The following PALM2AKAP2 variants were observed in gnomAD, a reference collection of about 807,000 sequenced individuals.
PALM2AKAP2 encodes the protein PALM2 and AKAP2 fusion, also known as PALM2-AKAP2 fusion protein.
In PALM2AKAP2, 37 loss-of-function variants were observed where a neutral mutation model predicts 71.5. The observed-to-expected ratio is 0.52, with a 90% CI of 0.40 to 0.68. The LOEUF is 0.68. PALM2AKAP2 is among the 30% of genes least tolerant of loss of function. The pLI is 0.00. For synonymous variants in PALM2AKAP2, 468 were observed against 478.8 expected (o/e 0.98, Z 0.29); for missense variants, 1,224 against 1,191.8 (o/e 1.03, Z -0.40).
chr9:109,743,114 CCCTT>C (rs1461272544), intron 1 of PALM2AKAP2, among the ~76,000 whole-genome samples: 1 of 152,138 alleles, frequency 6.6e-6, no homozygotes, highest in Non-Finnish European at 1.5e-5. Flanking sequence ...TTCCCATTCA[CCCTT>C]CCTTCTTTCT....
chr9:109,922,116 A>G (rs1391682493), intron 3 of PALM2AKAP2, among the ~76,000 whole-genome samples: 1 of 151,980 alleles, frequency 6.6e-6, no homozygotes, highest in East Asian at 1.9e-4. Flanking sequence ...TCCCGAGAGC[A>G]GATTAAAAGA....
intron 1 of PALM2AKAP2, among the ~76,000 whole-genome samples, chr9:109,825,309 A>G (rs1008060758): frequency 1.3e-5 from 2 of 152,250 alleles, no homozygotes; most frequent in Non-Finnish European, 1.5e-5. Flanking sequence ...ATGGGCAAGG[A>G]CTTCATGTCT....
At chr9:109,943,402 T>C in intron 6 of PALM2AKAP2, 1 of 1,612,620 alleles carries the variant, frequency 6.2e-7, no homozygotes, top group Non-Finnish European at 8.5e-7. Flanking sequence ...GAAAAAGCGC[T>C]GTCAATGCTG....
intron 1 of PALM2AKAP2, among the ~76,000 whole-genome samples, chr9:109,826,991 C>A (rs528668988): frequency 6.6e-6 from 1 of 152,190 alleles, no homozygotes; most frequent in South Asian, 2.1e-4. Flanking sequence ...ATGAACAAGC[C>A]CATAAAATAC....
intron 1 of PALM2AKAP2, among the ~76,000 whole-genome samples, chr9:109,738,943 C>G (rs1016734737): frequency 6.6e-6 from 1 of 152,168 alleles, no homozygotes; most frequent in African/African-American, 2.4e-5. Context: ...AAATTGTTTC[C>G]GAACTCTCAG....
chr9:110,084,650 T>C (rs1834520269), intron 1 of PALM2AKAP2, among the ~76,000 whole-genome samples: 3 of 152,220 alleles, frequency 2.0e-5, no homozygotes, highest in African/African-American at 7.2e-5. Flanking sequence ...GTAAATAGTT[T>C]TTATACTGTA....
chr9:109,779,607 G>A (rs1829401158), upstream of PALM2AKAP2, among the ~76,000 whole-genome samples: 1 of 152,220 alleles, frequency 6.6e-6, no homozygotes, highest in Non-Finnish European at 1.5e-5. Context: ...GTGAAATCTA[G>A]TCTAGCACCC....
At chr9:110,005,442 G>A (rs1245892290) in intron 6 of PALM2AKAP2, among the ~76,000 whole-genome samples, 2 of 152,242 alleles carry the variant, frequency 1.3e-5, no homozygotes, top group Non-Finnish European at 2.9e-5. Flanking sequence ...CCCTCCTGGG[G>A]GGTGCCTCCC....
At chr9:109,879,221 T>C (rs1210105053) in intron 2 of PALM2AKAP2, among the ~76,000 whole-genome samples, 1 of 152,202 alleles carries the variant, frequency 6.6e-6, no homozygotes, top group East Asian at 1.9e-4. Context: ...TCACCCTGCC[T>C]GATGAGATCA....
At chr9:110,033,930 A>G (rs1425447078) in intron 7 of PALM2AKAP2, among the ~76,000 whole-genome samples, 4 of 152,208 alleles carry the variant, frequency 2.6e-5, no homozygotes, top group Non-Finnish European at 2.9e-5. Context: ...CCATGAACTC[A>G]TGATATAGAT....
chr9:109,678,606 G>C (rs190892605), intron 1 of PALM2AKAP2, among the ~76,000 whole-genome samples: 4 of 152,240 alleles, frequency 2.6e-5, no homozygotes, highest in Non-Finnish European at 5.9e-5. Context: ...GTTTTGGGGG[G>C]TGCATCCTTA....
intron 3 of PALM2AKAP2, among the ~76,000 whole-genome samples, chr9:110,160,895 C>G (rs1051613382): frequency 6.6e-6 from 1 of 152,202 alleles, no homozygotes; most frequent in African/African-American, 2.4e-5. Flanking sequence ...ACCACTCTGT[C>G]TCATCTTAGA....
chr9:110,030,938 A>C (rs886645665), intron 7 of PALM2AKAP2, among the ~76,000 whole-genome samples: 1 of 152,226 alleles, frequency 6.6e-6, no homozygotes, highest in Non-Finnish European at 1.5e-5. Flanking sequence ...TCTTCCTCAG[A>C]AATTAGTCAG....
At position 109,918,511 on chromosome 9, in the gene PALM2AKAP2, A is replaced by G. The variant is rs116098503; in HGVS notation, c.258-5224A>G. Among the ~76,000 whole-genome samples the G allele has an allele frequency of 5.3e-3, 806 of 152,346 alleles. 4 individuals are homozygous for G. The highest frequency in any genetic ancestry group is 0.018 in the African/African-American group (732 of 41,576). On this transcript the variant is annotated intron_variant, in intron 3 of 9. Coordinates refer to the PALM2AKAP2 transcript ENST00000302798. ...ACCTGCCACAGCCTACGGATCCTCA[A>G]TTAACCTTGCGTGTAAATTACACTT... is the stretch of plus-strand genomic sequence containing the variant.
chr9:110,072,296 T>C (rs550865650), intron 1 of PALM2AKAP2, among the ~76,000 whole-genome samples: 2 of 152,166 alleles, frequency 1.3e-5, no homozygotes, highest in African/African-American at 4.8e-5. Flanking sequence ...CACTGTTGCT[T>C]GGGATGGCGG....
intron 1 of PALM2AKAP2, among the ~76,000 whole-genome samples, chr9:109,833,897 C>G (rs1252522346): frequency 1.3e-5 from 2 of 152,190 alleles, no homozygotes; most frequent in African/African-American, 4.8e-5. Flanking sequence ...CAGTTCCCTC[C>G]AAGGGGCATG....
intron 5 of PALM2AKAP2, among the ~76,000 whole-genome samples, chr9:109,929,453 C>A (rs1831039604): frequency 6.6e-6 from 1 of 152,142 alleles, no homozygotes; most frequent in Admixed American, 6.5e-5. Context: ...TGCCCCTACC[C>A]CCTCAGGACT....
At chr9:109,795,801 C>T (rs1827237353) in intron 1 of PALM2AKAP2, among the ~76,000 whole-genome samples, 1 of 152,216 alleles carries the variant, frequency 6.6e-6, no homozygotes, top group African/African-American at 2.4e-5. Context: ...ACTGTTCACA[C>T]AAGGTCCCTG....
At position 109,867,257 on chromosome 9, in the gene PALM2AKAP2, C is replaced by T. The variant is rs114781620; in HGVS notation, c.46-234C>T. 2.1e-3 allele frequency: 980 copies of T among 463,910 alleles called. 8 individuals carry two copies. The highest frequency in any genetic ancestry group is 0.018 in the African/African-American group (879 of 49,750). 28.7% of individuals were successfully genotyped at this position (463,910 alleles called of 1,614,324 possible). ...TTCTTTTGGATTAAATTCTTGCAGC[C>T]TGGCTGAGTGAGGAGAATTTCTCCC... On this transcript the variant is annotated intron_variant, in intron 1 of 9. Coordinates refer to the PALM2AKAP2 transcript ENST00000302798.
Sources: allele counts gnomAD v4.1 joint callset (sites outside exome capture counted in the v4.1 genomes callset), GRCh38; gene constraint gnomAD v4.1.1; transcripts MANE v1.5; gene names NCBI Gene and HGNC (gene_info 2026-07-23, HGNC 2026-07-21).